The following MAGI2 variants were observed in gnomAD, a reference collection of about 807,000 sequenced individuals.
MAGI2 encodes the protein membrane-associated guanylate kinase, WW and PDZ domain-containing protein 2.
In MAGI2, 35 loss-of-function variants were observed where a neutral mutation model predicts 133.3. That is an observed-to-expected ratio of 0.26 (90% confidence interval 0.20 to 0.35). The LOEUF (loss-of-function observed/expected upper bound fraction) is 0.35. Ranked by LOEUF, MAGI2 falls within the 10% of genes least tolerant of loss-of-function variation. The probability of loss-of-function intolerance (pLI) is 1.00; values close to 1 mark genes in which losing one functional copy is unlikely to be tolerated. For synonymous variants in MAGI2, 729 were observed against 710.6 expected, an observed-to-expected ratio of 1.03 and a Z score of -0.41; for missense variants, 1,636 against 1,863.4, an observed-to-expected ratio of 0.88 and a Z score of 2.25.
At chr7:78,573,182 G>C (rs1354004627) in intron 3 of MAGI2, among the ~76,000 whole-genome samples, 3 of 64,962 alleles carry the variant, frequency 4.6e-5, no homozygotes, top group African/African-American at 2.0e-4. Context: ...ACGTACCCTG[G>C]AACTTTTATA....
intron 21 of MAGI2, among the ~76,000 whole-genome samples, chr7:78,059,260 T>C (rs544489882): frequency 7.2e-5 from 11 of 152,294 alleles, no homozygotes; most frequent in African/African-American, 2.6e-4. Context: ...TGGGTATTTT[T>C]CAAATCCAAA....
chr7:79,143,350 G>T (rs1043400453), intron 1 of MAGI2, among the ~76,000 whole-genome samples: 2 of 152,186 alleles, frequency 1.3e-5, no homozygotes, highest in Admixed American at 6.5e-5. Flanking sequence ...CTCTGTTTCA[G>T]TATTAAGTGA....
At chr7:79,118,726 A>G (rs1232882035) in intron 1 of MAGI2, among the ~76,000 whole-genome samples, 3 of 152,088 alleles carry the variant, frequency 2.0e-5, no homozygotes, top group Admixed American at 6.6e-5. Flanking sequence ...TAGAAGTGCT[A>G]CATTTCATTT....
At chr7:78,311,361 A>G (rs1165106839) in intron 9 of MAGI2, among the ~76,000 whole-genome samples, 2 of 152,222 alleles carry the variant, frequency 1.3e-5, no homozygotes, top group African/African-American at 2.4e-5. Context: ...TGTGGTCCAT[A>G]TCATTAAATA....
Position 78,908,822 on chromosome 7 carries a change from T to C in MAGI2, c.418+98268A>G, listed in dbSNP as rs529551184. On this transcript the variant is annotated intron_variant, in intron 2 of 21. Coordinates refer to ENST00000354212, the MANE Select transcript of MAGI2 (RefSeq NM_012301.4). Reference sequence around the variant, plus strand: ...CTAGAACATATATGTAGATCACTACTATAGAATGTTGTGCAGATAGAAAAT... The same window carrying C: ...CTAGAACATATATGTAGATCACTACCATAGAATGTTGTGCAGATAGAAAAT... Among the ~76,000 whole-genome samples, 5 of 152,262 alleles carry C rather than the reference T, an allele frequency of 3.3e-5. No homozygotes were observed. The South Asian group carries it at 8.3e-4, about 25-fold the overall frequency.
chr7:79,108,548 A>G (rs1452398084), intron 1 of MAGI2, among the ~76,000 whole-genome samples: 1 of 152,222 alleles, frequency 6.6e-6, no homozygotes, highest in Non-Finnish European at 1.5e-5. Flanking sequence ...TGATTAATAC[A>G]TACTATCACT....
At chr7:78,098,208 C>G (rs1329247754) in intron 20 of MAGI2, among the ~76,000 whole-genome samples, 1 of 152,132 alleles carries the variant, frequency 6.6e-6, no homozygotes, top group South Asian at 2.1e-4. Flanking sequence ...CTTTATTCCT[C>G]TCCTCACAAA....
intron 1 of MAGI2, among the ~76,000 whole-genome samples, chr7:79,418,869 GCA>G (rs879433243): frequency 0.04 from 1,869 of 46,260 alleles, 50 homozygotes; most frequent in Admixed American, 0.15. Context: ...ACACACACAC[GCA>G]CACACACACA....
chr7:78,224,302 G>T (rs550199528), intron 10 of MAGI2, among the ~76,000 whole-genome samples: 1 of 152,114 alleles, frequency 6.6e-6, no homozygotes, highest in Non-Finnish European at 1.5e-5. Flanking sequence ...GAGTTATCAG[G>T]TTGTGTGGGA....
At chr7:78,713,646 C>G (rs1819423786) in intron 2 of MAGI2, among the ~76,000 whole-genome samples, 1 of 152,074 alleles carries the variant, frequency 6.6e-6, no homozygotes, top group African/African-American at 2.4e-5. Context: ...CAAGAACCTT[C>G]AAAATATGTA....
intron 3 of MAGI2, among the ~76,000 whole-genome samples, chr7:78,602,171 AGTTTCATTCTTGTTGCACAGGCTTGTT>A (rs373178730): frequency 0.012 from 1,824 of 151,596 alleles, 18 homozygotes; most frequent in Middle Eastern, 0.017. Context: ...TTTGAGACGG[AGTTTCATTCTTGTTGCACAGGCTTGTT>A]GTTTCACTCT....
intron 10 of MAGI2, among the ~76,000 whole-genome samples, chr7:78,248,891 C>G (rs1792078288): frequency 6.6e-6 from 1 of 151,800 alleles, no homozygotes; most frequent in African/African-American, 2.4e-5. Flanking sequence ...AAAAAGATTC[C>G]ATACTGAAAA....
chr7:78,950,356 C>T (rs975008534), intron 2 of MAGI2, among the ~76,000 whole-genome samples: 1 of 152,138 alleles, frequency 6.6e-6, no homozygotes, highest in Non-Finnish European at 1.5e-5. Context: ...ATTGCTGTAA[C>T]ATATATTTGG....
chr7:78,512,783 A>G (rs981095117), intron 4 of MAGI2, among the ~76,000 whole-genome samples: 6 of 152,214 alleles, frequency 3.9e-5, no homozygotes, highest in African/African-American at 1.4e-4. Context: ...TCTATATCTA[A>G]AACCCATAAT....
chr7:79,393,236 C>A (rs1844798231), intron 1 of MAGI2, among the ~76,000 whole-genome samples: 1 of 152,058 alleles, frequency 6.6e-6, no homozygotes, highest in African/African-American at 2.4e-5. Flanking sequence ...TAATAATAGA[C>A]TCCAGTAACA....
chr7:78,322,403 A>T (rs754591816), intron 9 of MAGI2, among the ~76,000 whole-genome samples: 1 of 152,256 alleles, frequency 6.6e-6, no homozygotes, highest in Non-Finnish European at 1.5e-5. Context: ...AATGTGGCAC[A>T]TATACACCAT....
intron 21 of MAGI2, among the ~76,000 whole-genome samples, chr7:78,052,662 C>T (rs10953423): frequency 0.38 from 58,308 of 152,080 alleles, 12,779 homozygotes; most frequent in African/African-American, 0.61. Flanking sequence ...TGCTTGGCTA[C>T]TGGGGAAAAA....
At chr7:78,044,686 T>C (rs1811216246) in intron 21 of MAGI2, among the ~76,000 whole-genome samples, 1 of 107,088 alleles carries the variant, frequency 9.3e-6, no homozygotes, top group African/African-American at 4.1e-5. Flanking sequence ...ACCGTGTGTG[T>C]GTGTGTGTGT....
chr7:78,743,650 A>G (rs573880108), intron 2 of MAGI2, among the ~76,000 whole-genome samples: 9 of 152,204 alleles, frequency 5.9e-5, no homozygotes, highest in Non-Finnish European at 8.8e-5. Context: ...CATACTAAGC[A>G]TAAATCCATA....
Sources: allele counts gnomAD v4.1 joint callset (sites outside exome capture counted in the v4.1 genomes callset), GRCh38; gene constraint gnomAD v4.1.1; transcripts MANE v1.5; gene names NCBI Gene and HGNC (gene_info 2026-07-23, HGNC 2026-07-21).